Variants in PDIA4 observed in about 807,000 individuals in gnomAD.
The protein encoded by PDIA4 is protein disulfide isomerase family A member 4, also known as protein disulfide-isomerase A4.
PDIA4 carries 33 observed loss-of-function variants against 62.1 expected under a neutral mutation model. That is an observed-to-expected ratio of 0.53 (90% confidence interval 0.40 to 0.71). The LOEUF (loss-of-function observed/expected upper bound fraction) is 0.71. Ranked by LOEUF, PDIA4 falls within the 30% of genes least tolerant of loss-of-function variation. The pLI, the probability that PDIA4 is intolerant of heterozygous loss-of-function variation, is 0.00. For missense variants in PDIA4, 804 were observed against 813.6 expected (o/e 0.99, Z 0.14); for synonymous variants, 341 against 324.1 (o/e 1.05, Z -0.56).
Position 149,014,956 on chromosome 7 carries a change from C to CA in PDIA4, c.561dup (p.Asp188Ter). ...ATATCTGCATCATTCACAACTTCAT[C>CA]AAAGTTCTCTTTGGTCAACACAAGC... On this transcript the variant is annotated frameshift_variant, in exon 4 of 10. Transcript: ENST00000652332. LOFTEE classifies it high-confidence loss of function. 6.2e-7 allele frequency: 1 copy of CA among 1,614,200 alleles called. No homozygotes were observed. Among genetic ancestry groups the CA allele is most frequent in the Non-Finnish European group, 8.5e-7 (1 of 1,179,990 alleles).
At chr7:149,006,619 G>A (rs1401196813) in intron 7 of PDIA4, among the ~76,000 whole-genome samples, 1 of 152,194 alleles carries the variant, frequency 6.6e-6, no homozygotes, top group East Asian at 1.9e-4. Flanking sequence ...GGCACTGAAG[G>A]ACAAGAGGGC....
rs148136923 is a variant in PDIA4, at chr7:149,005,204, C to A, written c.1459G>T (p.Ala487Ser). 10 of 1,614,158 alleles carry A rather than the reference C, an allele frequency of 6.2e-6. No individual in the cohort carries two copies. Among genetic ancestry groups the A allele is most frequent in the Non-Finnish European group, 8.5e-6 (10 of 1,180,008 alleles). ...AILDESGKKFAMEPEEFDSDT... is the reference protein window; with the variant it reads ...AILDESGKKFSMEPEEFDSDT... ...GAGTCAAACTCCTCTGGCTCCATGG[C>A]GAACTTCTTCCCACTCTCGTCCAGG... is the stretch of plus-strand genomic sequence containing the variant. The change falls in exon 9 of 10, where the codon GCC becomes TCC. Residue 487 changes from alanine (A) to serine (S), a missense_variant. Coordinates refer to ENST00000652332, the MANE Select transcript of PDIA4 (RefSeq NM_004911.5).
Position 149,003,782 on chromosome 7 carries a change from G to T in PDIA4, c.*12C>A. ...CGTCTGCCTCCTCCCACCTTCCGCAGACCTCAGGCCTTCAAAGCTCTTCCT... is the reference window on the plus strand; with the variant it reads ...CGTCTGCCTCCTCCCACCTTCCGCATACCTCAGGCCTTCAAAGCTCTTCCT... On this transcript the variant is annotated 3_prime_UTR_variant, in exon 10 of 10. Transcript: ENST00000652332. 6.6e-7 allele frequency: 1 copy of T among 1,505,358 alleles called. No individual in the cohort carries two copies. The highest frequency in any genetic ancestry group is 2.4e-5 in the East Asian group (1 of 42,500). The allele number at this position is 1,505,358 out of a possible 1,614,324, so 93.3% of individuals were successfully genotyped here. A position where few individuals can be genotyped will look rare whatever the true frequency, so the allele number is the denominator to read the frequency against.
rs376262990 is a variant in PDIA4, at chr7:149,003,948, T to C, written c.1784A>G (p.Tyr595Cys). Residue 595 changes from tyrosine (Y) to cysteine (C), a missense_variant, in exon 10 of 10, where the codon TAT becomes TGT. By Grantham distance (194) the Tyr-to-Cys change is radical (BLOSUM62 -2). Coordinates refer to ENST00000652332, the MANE Select transcript of PDIA4 (RefSeq NM_004911.5). ...GATGGTGGGGAAGCCCTCCACCTTA[T>C]AGCGGTCGCTGGGGACGTCGTTGGC... ...ATANDVPSDR[Y>C]KVEGFPTIYF... The C allele has an allele frequency of 3.1e-6, 5 of 1,613,528 alleles. No individual in the cohort carries two copies. The highest frequency in any genetic ancestry group is 4.2e-6 in the Non-Finnish European group (5 of 1,179,616).
chr7:149,021,359 C>T (rs1478233676), intron 1 of PDIA4, among the ~76,000 whole-genome samples: 8 of 151,824 alleles, frequency 5.3e-5, no homozygotes, highest in Non-Finnish European at 2.9e-5. Context: ...CATGGTGGCA[C>T]GCGCCTGTAG....
chr7:149,026,992 A>T (rs1824580735), intron 1 of PDIA4, among the ~76,000 whole-genome samples: 1 of 152,038 alleles, frequency 6.6e-6, no homozygotes, highest in South Asian at 2.1e-4. Flanking sequence ...GCCTCTCAAG[A>T]ATCCCCCCAA....
At chr7:149,005,631 C>G (rs985374030) in intron 8 of PDIA4, among the ~76,000 whole-genome samples, 4 of 152,234 alleles carry the variant, frequency 2.6e-5, no homozygotes, top group African/African-American at 7.2e-5. Context: ...GGTCTAGTCC[C>G]AGCTCTGCAG....
chr7:149,008,609 G>A (rs557071128), intron 6 of PDIA4, among the ~76,000 whole-genome samples: 160 of 151,990 alleles, frequency 1.1e-3, no homozygotes, highest in African/African-American at 3.8e-3. Context: ...AGGCTGAGGC[G>A]CAAGAATTGC....
intron 6 of PDIA4, among the ~76,000 whole-genome samples, chr7:149,010,043 G>C (rs148547729): frequency 6.6e-6 from 1 of 152,136 alleles, no homozygotes; most frequent in Non-Finnish European, 1.5e-5. Flanking sequence ...GGCAGGGGAT[G>C]GGGGGGCAGC....
chr7:149,022,215 G>C (rs1197459790), intron 1 of PDIA4, among the ~76,000 whole-genome samples: 2 of 152,186 alleles, frequency 1.3e-5, no homozygotes, highest in African/African-American at 4.8e-5. Flanking sequence ...CAAGTGTGAA[G>C]GGGAAGAGGG....
chr7:149,018,001 G>A (rs1045141132), intron 3 of PDIA4, among the ~76,000 whole-genome samples: 7 of 152,146 alleles, frequency 4.6e-5, no homozygotes, highest in Non-Finnish European at 1.0e-4. Flanking sequence ...AGGCCAAAGC[G>A]GGCGGATCAC....
intron 7 of PDIA4, among the ~76,000 whole-genome samples, chr7:149,007,649 A>G (rs1823808854): frequency 6.6e-6 from 1 of 152,196 alleles, no homozygotes; most frequent in Non-Finnish European, 1.5e-5. Flanking sequence ...GTCACACTCT[A>G]GGAGGATGAA....
chr7:149,005,262 G>A lies in PDIA4; in HGVS notation c.1401C>T (p.Leu467=). Residue 467 remains leucine (L), a synonymous_variant, in exon 9 of 10, where the codon CTC becomes CTT. Transcript: ENST00000652332. ...DYAGEVKDLG[L]SESGEDVNAA... The stretch of plus-strand genomic sequence containing the variant: ...CATTGACATCCTCCCCACTCTCGCT[G>A]AGCCCCAGGTCCTTCACCTCCCCAG... 1 of 1,614,092 alleles carries A rather than the reference G, an allele frequency of 6.2e-7. No homozygotes were observed. The highest frequency in any genetic ancestry group is 8.5e-7 in the Non-Finnish European group (1 of 1,179,970).
intron 6 of PDIA4, among the ~76,000 whole-genome samples, chr7:149,011,017 G>A (rs894996770): frequency 6.6e-6 from 1 of 152,226 alleles, no homozygotes; most frequent in East Asian, 1.9e-4. Flanking sequence ...CTAATTAACA[G>A]ATGAAGGGAA....
chr7:149,008,715 GAA>G (rs371884233), intron 6 of PDIA4, among the ~76,000 whole-genome samples: 1,769 of 109,104 alleles, frequency 0.016, 28 homozygotes, highest in African/African-American at 0.061. Context: ...TCTTTAAAAA[GAA>G]AAAAAAAAAA....
intron 4 of PDIA4, 41 bp from the exon 5 acceptor site, chr7:149,012,401 GT>G: frequency 6.5e-7 from 1 of 1,537,180 alleles, no homozygotes; most frequent in Non-Finnish European, 9.0e-7. Flanking sequence ...TCATTCTAGT[GT>G]GGACTCACTT....
intron 6 of PDIA4, among the ~76,000 whole-genome samples, chr7:149,009,932 G>T (rs1224394732): frequency 6.6e-6 from 1 of 152,168 alleles, no homozygotes; most frequent in Non-Finnish European, 1.5e-5. Context: ...TAAACATTGG[G>T]TGTCACCCTA....
rs539798193 is a variant in PDIA4, at chr7:149,024,814, TAAAAAAAAAAAAA to T, written c.88+3494_88+3506del. On this transcript the variant is annotated intron_variant, in intron 1 of 9. Transcript: ENST00000652332. ...CTGGCGACCGAGCAAGACTGTCATTTAAAAAAAAAAAAAAAAAAAAAAAAAAAAGGCCAGGTGT... is the reference window on the plus strand; with the variant it reads ...CTGGCGACCGAGCAAGACTGTCATTTAAAAAAAAAAAAAAAGGCCAGGTGT... Among the ~76,000 whole-genome samples the T allele has an allele frequency of 1.3e-4, 12 of 89,394 alleles. 1 individual carries two copies. Among genetic ancestry groups the T allele is most frequent in the African/African-American group, 6.3e-4 (12 of 19,058 alleles). The allele number at this position is 89,394 out of a possible 152,430, so 58.6% of individuals were successfully genotyped here. A position where few individuals can be genotyped will look rare whatever the true frequency, so the allele number is the denominator to read the frequency against.
chr7:149,023,653 G>GGGAA (rs1323500197), intron 1 of PDIA4, among the ~76,000 whole-genome samples: 1 of 152,036 alleles, frequency 6.6e-6, no homozygotes, highest in Non-Finnish European at 1.5e-5. Flanking sequence ...TAATGCACTG[G>GGGAA]GGAACTTAAT....
Sources: allele counts gnomAD v4.1 joint callset (sites outside exome capture counted in the v4.1 genomes callset), GRCh38; gene constraint gnomAD v4.1.1; transcripts MANE v1.5; gene names NCBI Gene and HGNC (gene_info 2026-07-23, HGNC 2026-07-21).